VPS54: variants seen among roughly 807,000 people sequenced by gnomAD.
VPS54 encodes the protein VPS54 subunit of GARP complex, also known as vacuolar protein sorting-associated protein 54.
VPS54 carries 45 observed loss-of-function variants against 121.5 expected under a neutral mutation model. The observed-to-expected ratio is 0.37, with a 90% CI of 0.29 to 0.47. The LOEUF (loss-of-function observed/expected upper bound fraction) is 0.47. VPS54 is among the 20% of genes least tolerant of loss of function. The probability of loss-of-function intolerance (pLI) is 0.99; values close to 1 mark genes in which losing one functional copy is unlikely to be tolerated. For synonymous variants in VPS54, 371 were observed against 385.8 expected (o/e 0.96, Z 0.45); for missense variants, 1,090 against 1,131.4 (o/e 0.96, Z 0.52).
At chr2:63,938,292 T>C (rs1674560769) in intron 11 of VPS54, among the ~76,000 whole-genome samples, 1 of 151,804 alleles carries the variant, frequency 6.6e-6, no homozygotes, top group Non-Finnish European at 1.5e-5. Context: ...CCCCATTCCC[T>C]GGCATGCAGC....
chr2:63,992,016 G>A (rs1677344373), intron 1 of VPS54, among the ~76,000 whole-genome samples: 1 of 152,180 alleles, frequency 6.6e-6, no homozygotes. Context: ...GGTGAGCCTG[G>A]TGTTAGGTAG....
At chr2:63,997,616 GT>G in intron 1 of VPS54, among the ~76,000 whole-genome samples, 1 of 138,054 alleles carries the variant, frequency 7.2e-6, no homozygotes, top group South Asian at 2.2e-4. Context: ...GTCAGTTTTT[GT>G]TTTGTTTTGT....
chr2:63,990,235 C>T (rs1677253149), intron 1 of VPS54, among the ~76,000 whole-genome samples: 1 of 152,180 alleles, frequency 6.6e-6, no homozygotes, highest in African/African-American at 2.4e-5. Flanking sequence ...GCTGAAAATT[C>T]AATGTCTAAC....
intron 2 of VPS54, among the ~76,000 whole-genome samples, chr2:63,982,279 C>T (rs554231733): frequency 6.6e-6 from 1 of 151,616 alleles, no homozygotes; most frequent in African/African-American, 2.4e-5. Context: ...AGAGGTAGGC[C>T]TCTTTTCTAT....
chr2:63,984,264 G>C (rs533599636), intron 1 of VPS54, among the ~76,000 whole-genome samples: 1 of 152,198 alleles, frequency 6.6e-6, no homozygotes, highest in Admixed American at 6.5e-5. Context: ...AAAATACCAA[G>C]GTTGTACCCA....
chr2:64,019,368 C>T lies in VPS54; in HGVS notation c.-451G>A, dbSNP rs994951629. ...CCTCACCCCGCCGGCCCAGCCGGCT[C>T]GGCCCGGTCGGGTGCGGGGAGACAG... On this transcript the variant is annotated 5_prime_UTR_variant, in exon 1 of 23. Transcript: ENST00000272322. Among the ~76,000 whole-genome samples, 1 of 151,014 alleles carries T rather than the reference C, an allele frequency of 6.6e-6. No individual in the cohort carries two copies. Among genetic ancestry groups the T allele is most frequent in the Non-Finnish European group, 1.5e-5 (1 of 67,612 alleles).
At chr2:63,952,916 A>G (rs1051311227) in intron 7 of VPS54, among the ~76,000 whole-genome samples, 4 of 152,176 alleles carry the variant, frequency 2.6e-5, no homozygotes, top group Admixed American at 6.6e-5. Flanking sequence ...CCTACTGTTG[A>G]TAACTGTAAC....
intron 11 of VPS54, among the ~76,000 whole-genome samples, chr2:63,940,432 C>G (rs938979706): frequency 6.6e-6 from 1 of 152,080 alleles, no homozygotes; most frequent in Admixed American, 6.5e-5. Flanking sequence ...ATAGCACATA[C>G]ATAAAATAAT....
At chr2:64,005,277 G>A (rs1305019124) in intron 1 of VPS54, among the ~76,000 whole-genome samples, 3 of 149,660 alleles carry the variant, frequency 2.0e-5, no homozygotes, top group African/African-American at 7.4e-5. Context: ...CTAATTTTTT[G>A]TATTTTTAGT....
intron 7 of VPS54, 21 bp from the exon 8 acceptor site, chr2:63,949,184 G>T: frequency 1.3e-6 from 2 of 1,596,082 alleles, no homozygotes; most frequent in South Asian, 1.1e-5. Flanking sequence ...AGAGAAAAAT[G>T]TTATATTTAT....
intron 1 of VPS54, among the ~76,000 whole-genome samples, chr2:63,993,258 T>C (rs1336749904): frequency 6.6e-6 from 1 of 152,198 alleles, no homozygotes; most frequent in Non-Finnish European, 1.5e-5. Flanking sequence ...ATTAATTATT[T>C]AACACCTACT....
intron 1 of VPS54, among the ~76,000 whole-genome samples, chr2:64,012,853 G>T (rs777140114): frequency 6.6e-6 from 1 of 152,014 alleles, no homozygotes; most frequent in Non-Finnish European, 1.5e-5. Flanking sequence ...CCATTTACTT[G>T]GCTCCAGAAA....
intron 20 of VPS54, among the ~76,000 whole-genome samples, chr2:63,905,313 A>G (rs1001534558): frequency 6.6e-6 from 1 of 152,158 alleles, no homozygotes; most frequent in Non-Finnish European, 1.5e-5. Flanking sequence ...GGTGAGGAAG[A>G]CTTTATAAAT....
chr2:63,974,929 A>G (rs1388929379), intron 3 of VPS54: 2 of 1,472,444 alleles, frequency 1.4e-6, no homozygotes, highest in Non-Finnish European at 1.8e-6. Context: ...TTCTTATTAC[A>G]TTAGTTAGGA....
intron 12 of VPS54, among the ~76,000 whole-genome samples, chr2:63,922,805 T>C (rs1289788376): frequency 6.6e-6 from 1 of 152,210 alleles, no homozygotes; most frequent in African/African-American, 2.4e-5. Context: ...AAATTTTTAA[T>C]TCCTGAAACA....
chr2:63,906,835 T>C (rs1031636541), intron 20 of VPS54, among the ~76,000 whole-genome samples: 1 of 152,190 alleles, frequency 6.6e-6, no homozygotes, highest in African/African-American at 2.4e-5. Context: ...GCCTTTTTGG[T>C]AGTATTTGAT....
rs1675808292 is a variant in VPS54, at chr2:63,962,341, C to G, written c.727G>C (p.Asp243His). 6.2e-7 allele frequency: 1 copy of G among 1,613,924 alleles called. No individual in the cohort carries two copies. The highest frequency in any genetic ancestry group is 8.5e-7 in the Non-Finnish European group (1 of 1,179,918). The change falls in exon 7 of 23, where the codon GAC (aspartate) becomes CAC (histidine). Residue 243 changes from aspartate (D) to histidine (H), a missense_variant. Transcript: ENST00000272322. ...GCCTGGGAAGTTTTCCTGAGGTAGT[C>G]CTGCAACTCGTGTTGAGAGGTCATT... Reference protein sequence around the residue: ...HAMTSQHELQDYLRKTSQAVK... With the variant: ...HAMTSQHELQHYLRKTSQAVK...
Position 63,981,884 on chromosome 2 carries a change from T to A in VPS54, c.140A>T (p.Asp47Val). 1 of 1,607,738 alleles carries A rather than the reference T, an allele frequency of 6.2e-7. No individual in the cohort carries two copies. The highest frequency in any genetic ancestry group is 8.5e-7 in the Non-Finnish European group (1 of 1,177,280). Residue 47 changes from aspartate to valine, a missense_variant, in exon 3 of 23, where the codon GAT becomes GTT. This residue lies in a region of VPS54 where 801 missense variants were observed against 757.0 expected (regional missense o/e 1.06). Coordinates refer to ENST00000272322, the MANE Select transcript of VPS54 (RefSeq NM_016516.3). Reference sequence around the variant, plus strand: ...TGGGGCAACATATAAACTATGTGAATCACCTGCAAAAAGTAAACAAGAGAA... The same window carrying A: ...TGGGGCAACATATAAACTATGTGAAACACCTGCAAAAAGTAAACAAGAGAA... Reference protein sequence around the residue: ...PDVCPKEPTGDSHSLYVAPSL... With the variant: ...PDVCPKEPTGVSHSLYVAPSL...
chr2:64,015,961 A>G (rs1257354992), intron 1 of VPS54, among the ~76,000 whole-genome samples: 1 of 152,184 alleles, frequency 6.6e-6, no homozygotes, highest in Non-Finnish European at 1.5e-5. Flanking sequence ...AAATACATAC[A>G]TATATACAAG....
Sources: allele counts gnomAD v4.1 joint callset (sites outside exome capture counted in the v4.1 genomes callset), GRCh38; gene constraint gnomAD v4.1.1; regional missense constraint gnomAD v4.1.1; transcripts MANE v1.5; gene names NCBI Gene and HGNC (gene_info 2026-07-23, HGNC 2026-07-21).